The following TENM4 variants were observed in gnomAD, a reference collection of about 807,000 sequenced individuals.
TENM4 encodes the protein teneurin transmembrane protein 4, also known as teneurin-4.
Under a neutral mutation model 243.3 loss-of-function variants are expected in TENM4, and 82 were observed. The ratio of observed to expected loss-of-function variants is 0.34; its 90% CI spans 0.28 to 0.40. The LOEUF is 0.40. Among genes scored for constraint, TENM4 ranks in the 10% least tolerant of loss-of-function variants. The pLI, the probability that TENM4 is intolerant of heterozygous loss-of-function variation, is 1.00. For missense variants in TENM4, 3,138 were observed against 3,673.3 expected (o/e 0.85, Z 3.77); for synonymous variants, 1,412 against 1,456.3 (o/e 0.97, Z 0.69).
intron 2 of TENM4, among the ~76,000 whole-genome samples, chr11:79,244,427 C>T (rs1359427345): frequency 6.8e-6 from 1 of 146,452 alleles, no homozygotes; most frequent in East Asian, 2.0e-4. Context: ...AGGGACAGGG[C>T]TGTATGTGTC....
chr11:79,284,193 A>T (rs1437563387), intron 2 of TENM4, among the ~76,000 whole-genome samples: 1 of 152,180 alleles, frequency 6.6e-6, no homozygotes, highest in Admixed American at 6.5e-5. Flanking sequence ...CTTTTGTAGA[A>T]ATTTACTAGT....
At chr11:79,396,638 GGCTAGAGGCATAATA>G (rs1445977754) in intron 1 of TENM4, among the ~76,000 whole-genome samples, 1 of 152,196 alleles carries the variant, frequency 6.6e-6, no homozygotes, top group Non-Finnish European at 1.5e-5. Flanking sequence ...GCAAAGGAAT[GGCTAGAGGCATAATA>G]GCGCTCCAGC....
Position 79,249,783 on chromosome 11 carries a change from A to G in TENM4, c.-264-33874T>C, listed in dbSNP as rs371108244. ...CTAACAACTCTCTGCTGGTTTCCCCATATTTAAAATAGGAGCAATCTCAGG... is the reference window on the plus strand; with the variant it reads ...CTAACAACTCTCTGCTGGTTTCCCCGTATTTAAAATAGGAGCAATCTCAGG... On this transcript the variant is annotated intron_variant, in intron 2 of 33. Coordinates refer to ENST00000278550, the MANE Select transcript of TENM4 (RefSeq NM_001098816.3). Among the ~76,000 whole-genome samples, 54 of 152,300 alleles carry G rather than the reference A, an allele frequency of 3.5e-4. 2 individuals carry two copies. Among genetic ancestry groups the G allele is most frequent in the South Asian group, 1.7e-3 (8 of 4,824 alleles).
At chr11:79,001,429 G>A (rs1858323818) in intron 6 of TENM4, among the ~76,000 whole-genome samples, 1 of 152,104 alleles carries the variant, frequency 6.6e-6, no homozygotes, top group Non-Finnish European at 1.5e-5. Context: ...GAACAGGCAA[G>A]GAATGGCATG....
chr11:79,054,283 C>T (rs1367457440), intron 6 of TENM4, among the ~76,000 whole-genome samples: 1 of 152,168 alleles, frequency 6.6e-6, no homozygotes, highest in Non-Finnish European at 1.5e-5. Context: ...GCTGTGTGAC[C>T]TTGATTAAGC....
At position 79,409,093 on chromosome 11, in the gene TENM4, TGTGTGTGTGC is replaced by T. The variant is rs767441340; in HGVS notation, c.-321+31406_-321+31415del. Among the ~76,000 whole-genome samples the T allele has an allele frequency of 3.6e-3, 402 of 111,432 alleles. 3 individuals carry two copies. Among genetic ancestry groups the T allele is most frequent in the African/African-American group, 5.5e-3 (168 of 30,332 alleles). The allele number at this position is 111,432 out of a possible 152,430, so 73.1% of individuals were successfully genotyped here. A position where few individuals can be genotyped will look rare whatever the true frequency, so the allele number is the denominator to read the frequency against. On this transcript the variant is annotated intron_variant, in intron 1 of 33. Transcript: ENST00000278550. ...GTGTGTGTGTGTGTGTGTGTGTGTG[TGTGTGTGTGC>T]GCGCGCGCGCGTGCGTGCACGCGCA...
intron 12 of TENM4, among the ~76,000 whole-genome samples, chr11:78,824,546 G>A (rs1349209386): frequency 1.4e-5 from 2 of 147,276 alleles, no homozygotes; most frequent in African/African-American, 5.1e-5. Flanking sequence ...CTGTTGCCCA[G>A]GCTGGAGTGC....
intron 6 of TENM4, among the ~76,000 whole-genome samples, chr11:79,002,588 C>A (rs1565162469): frequency 1.3e-5 from 2 of 152,152 alleles, no homozygotes; most frequent in Non-Finnish European, 2.9e-5. Flanking sequence ...TTGAGTGAAT[C>A]CACCTTATAC....
chr11:79,350,820 G>A (rs557832010), intron 1 of TENM4, among the ~76,000 whole-genome samples: 2 of 152,130 alleles, frequency 1.3e-5, no homozygotes, highest in South Asian at 4.1e-4. Flanking sequence ...TCTCAACCCA[G>A]CAGTCAGAGT....
chr11:78,727,422 G>A (rs1401568834), intron 22 of TENM4, among the ~76,000 whole-genome samples: 1 of 145,608 alleles, frequency 6.9e-6, no homozygotes, highest in Non-Finnish European at 1.5e-5. Context: ...ACGACAGAGC[G>A]AGACTCCGCC....
chr11:79,093,372 T>A lies in TENM4; in HGVS notation c.-65-23363A>T, dbSNP rs987775805. The A allele has an allele frequency of 3.3e-5, 5 of 152,354 alleles. No homozygotes were observed. In the East Asian group the frequency reaches 7.7e-4, roughly 24 times the overall value. The allele number at this position is 152,354 out of a possible 1,614,324, so 9.4% of individuals were successfully genotyped here. On this transcript the variant is annotated intron_variant, in intron 4 of 33. Transcript: ENST00000278550. The stretch of plus-strand genomic sequence containing the variant: ...TAAAGGTAAGCTCTGCTGGCCATCT[T>A]GGGATTGGAAAGTGACAGGCATGAG...
intron 6 of TENM4, among the ~76,000 whole-genome samples, chr11:79,040,745 T>G (rs1859502821): frequency 6.6e-6 from 1 of 152,168 alleles, no homozygotes; most frequent in African/African-American, 2.4e-5. Flanking sequence ...TTACTCCCCC[T>G]TTGTTTATTC....
At chr11:78,706,233 T>C (rs1317521448) in intron 27 of TENM4, among the ~76,000 whole-genome samples, 2 of 152,228 alleles carry the variant, frequency 1.3e-5, no homozygotes. Context: ...TTTTGGATCC[T>C]AAGCATAGAG....
At chr11:78,661,293 T>G (rs888970422) in intron 33 of TENM4, among the ~76,000 whole-genome samples, 156 bp downstream of exon 33, 1 of 152,140 alleles carries the variant, frequency 6.6e-6, no homozygotes, top group African/African-American at 2.4e-5. Flanking sequence ...TTCCTAGTGG[T>G]GGGTTACTAA....
At chr11:79,126,484 A>C (rs547811530) in intron 4 of TENM4, among the ~76,000 whole-genome samples, 168 of 152,352 alleles carry the variant, frequency 1.1e-3, no homozygotes, top group Non-Finnish European at 2.1e-3. Context: ...GTCAAAGGCA[A>C]GGTGGGCATT....
At chr11:79,372,134 G>A (rs1442514780) in intron 1 of TENM4, among the ~76,000 whole-genome samples, 1 of 152,124 alleles carries the variant, frequency 6.6e-6, no homozygotes, top group Non-Finnish European at 1.5e-5. Context: ...TAGAAAGATT[G>A]ACTTTTGTAT....
At chr11:79,266,224 T>C (rs185250428) in intron 2 of TENM4, among the ~76,000 whole-genome samples, 42 of 152,318 alleles carry the variant, frequency 2.8e-4, no homozygotes, top group Non-Finnish European at 4.6e-4. Context: ...GATGAATGGA[T>C]AGATCTCACG....
At chr11:79,306,666 C>T (rs1002503258) in intron 1 of TENM4, among the ~76,000 whole-genome samples, 3 of 152,296 alleles carry the variant, frequency 2.0e-5, no homozygotes, top group Admixed American at 6.5e-5. Flanking sequence ...ATTATATGAA[C>T]TCTACATGCA....
At chr11:79,229,972 G>T (rs1384619207) in intron 2 of TENM4, among the ~76,000 whole-genome samples, 4 of 149,982 alleles carry the variant, frequency 2.7e-5, no homozygotes, top group African/African-American at 9.9e-5. Context: ...AACTACAGCT[G>T]CATATCACCA....
Sources: gnomAD v4.1 joint callset for allele counts (sites outside exome capture counted in the v4.1 genomes callset) on GRCh38, gnomAD v4.1.1 for gene constraint, MANE v1.5 for transcripts, NCBI Gene and HGNC (gene_info 2026-07-23, HGNC 2026-07-21) for gene names.